The following SPATA19 variants were observed in gnomAD, a reference collection of about 807,000 sequenced individuals.
SPATA19 encodes spermatogenesis associated 19, also known as spermatogenesis-associated protein 19, mitochondrial.
In SPATA19, 19 loss-of-function variants were observed where a neutral mutation model predicts 25.0. The observed-to-expected ratio is 0.76, with a 90% CI of 0.53 to 1.11. SPATA19 has a LOEUF of 1.11. Among genes scored for constraint, SPATA19 ranks in the 50% most tolerant of loss-of-function variants. The pLI, the probability that SPATA19 is intolerant of heterozygous loss-of-function variation, is 0.00. For missense variants in SPATA19, 222 were observed against 211.4 expected (o/e 1.05, Z -0.31); for synonymous variants, 64 against 69.3 (o/e 0.92, Z 0.38).
Position 133,844,177 on chromosome 11 carries a change from T to A in SPATA19, c.359+69A>T. 10 of 1,290,652 alleles carry A rather than the reference T, an allele frequency of 7.7e-6. 1 individual carries two copies. The South Asian group carries it at 1.1e-4, about 14-fold the overall frequency. 79.9% of individuals were successfully genotyped at this position (1,290,652 alleles called of 1,614,324 possible). ...ATCTCTAGAGAAGAGCATCTGAGGG[T>A]TCGTGAAGAGAGGGGCTTGCGCATC... On this transcript the variant is annotated intron_variant, in intron 4 of 6. Coordinates refer to ENST00000299140, the MANE Select transcript of SPATA19 (RefSeq NM_174927.3).
At chr11:133,841,128 A>G (rs926833550) in intron 6 of SPATA19, among the ~76,000 whole-genome samples, 4 of 152,120 alleles carry the variant, frequency 2.6e-5, no homozygotes, top group Non-Finnish European at 4.4e-5. Context: ...CAACCCTCCA[A>G]AGTAGATACT....
chr11:133,842,120 G>C lies in SPATA19; in HGVS notation c.438-15C>G. On this transcript the variant is annotated splice_polypyrimidine_tract_variant and intron_variant, in intron 5 of 6. Coordinates refer to ENST00000299140, the MANE Select transcript of SPATA19 (RefSeq NM_174927.3). Reference sequence around the variant, plus strand: ...GACGGGATATGCTGCAGGGGACAGAGGAGAAGGGCCAGGTGGAGGGAGGCT... The same window carrying C: ...GACGGGATATGCTGCAGGGGACAGACGAGAAGGGCCAGGTGGAGGGAGGCT... 3 of 1,613,586 alleles carry C rather than the reference G, an allele frequency of 1.9e-6. No homozygotes were observed. The highest frequency in any genetic ancestry group is 1.7e-6 in the Non-Finnish European group (2 of 1,179,736).
chr11:133,841,474 C>T (rs1938307663), intron 6 of SPATA19, among the ~76,000 whole-genome samples: 1 of 152,196 alleles, frequency 6.6e-6, no homozygotes, highest in African/African-American at 2.4e-5. Flanking sequence ...GGGACTGCAT[C>T]CCGGATAGCT....
downstream of SPATA19, among the ~76,000 whole-genome samples, chr11:133,840,278 C>A (rs1252507617): frequency 6.6e-6 from 1 of 152,134 alleles, no homozygotes; most frequent in Non-Finnish European, 1.5e-5. Flanking sequence ...AGTACAGCTA[C>A]CTTGCAAGAA....
chr11:133,837,660 A>G (rs144951959), downstream of SPATA19, among the ~76,000 whole-genome samples: 32 of 152,262 alleles, frequency 2.1e-4, no homozygotes, highest in East Asian at 6.2e-3. Flanking sequence ...TGTCTTTCCT[A>G]AGGTCAATGA....
intron 5 of SPATA19, 47 bp from the exon 6 acceptor site, chr11:133,842,152 T>C (rs1458803524): frequency 2.5e-6 from 4 of 1,579,956 alleles, no homozygotes; most frequent in East Asian, 2.2e-5. Flanking sequence ...GGCTGCCTGA[T>C]AGCAGAGCCT....
At chr11:133,843,644 G>A (rs951929180) in intron 4 of SPATA19, among the ~76,000 whole-genome samples, 2 of 152,216 alleles carry the variant, frequency 1.3e-5, no homozygotes, top group Non-Finnish European at 2.9e-5. Context: ...CCTGGGAAGG[G>A]GTGGCTGATG....
At chr11:133,843,211 A>C (rs1249914611) in intron 4 of SPATA19, among the ~76,000 whole-genome samples, 1 of 152,160 alleles carries the variant, frequency 6.6e-6, no homozygotes, top group Admixed American at 6.5e-5. Flanking sequence ...TAGTTTTTTT[A>C]TACAGACGAG....
chr11:133,844,685 A>G (rs182456931), intron 2 of SPATA19, 45 bp from the exon 3 acceptor site: 3 of 1,546,926 alleles, frequency 1.9e-6, no homozygotes, highest in East Asian at 2.3e-5. Context: ...TCTGCATCCA[A>G]CCCTGGGTCT....
At chr11:133,837,667 A>T (rs1938236553), downstream of SPATA19, among the ~76,000 whole-genome samples, 1 of 152,138 alleles carries the variant, frequency 6.6e-6, no homozygotes, top group South Asian at 2.1e-4. Context: ...CCTAAGGTCA[A>T]TGAGGGGGGA....
downstream of SPATA19, among the ~76,000 whole-genome samples, chr11:133,838,117 A>G (rs1158307189): frequency 6.6e-6 from 1 of 152,192 alleles, no homozygotes; most frequent in African/African-American, 2.4e-5. Flanking sequence ...ATATATATAC[A>G]TAGCTTTATG....
In SPATA19 at chr11:133,844,480, C is replaced by G. The variant is rs555461058; in HGVS notation, c.267+29G>C. Reference sequence around the variant, plus strand: ...CTCTCCCCTCTCCCTCACCGCTACTCCCAGGCAAGGTCTCAAACTCTCATT... The same window carrying G: ...CTCTCCCCTCTCCCTCACCGCTACTGCCAGGCAAGGTCTCAAACTCTCATT... On this transcript the variant is annotated intron_variant, in intron 3 of 6. Transcript: ENST00000299140. 3.7e-6 allele frequency: 6 copies of G among 1,614,124 alleles called. No homozygotes were observed. In the African/African-American group the frequency reaches 8.0e-5, roughly 22 times the overall value.
At position 133,843,604 on chromosome 11, in the gene SPATA19, G is replaced by A. The variant is rs569825889; in HGVS notation, c.359+642C>T. Among the ~76,000 whole-genome samples the A allele has an allele frequency of 1.7e-4, 26 of 152,332 alleles. No homozygotes were observed. The East Asian group carries it at 3.7e-3, about 21-fold the overall frequency. Reference sequence around the variant, plus strand: ...GGGGAGAAGTCTCCTTCAGGTTCCCGTAGGACCAGTCTAAGCCCTCAGTCC... The same window carrying A: ...GGGGAGAAGTCTCCTTCAGGTTCCCATAGGACCAGTCTAAGCCCTCAGTCC... On this transcript the variant is annotated intron_variant, in intron 4 of 6. Transcript: ENST00000299140.
Position 133,842,566 on chromosome 11 carries a change from C to T in SPATA19, c.360-4G>A. 6.2e-7 allele frequency: 1 copy of T among 1,612,580 alleles called. No individual in the cohort carries two copies. Among genetic ancestry groups the T allele is most frequent in the Non-Finnish European group, 8.5e-7 (1 of 1,178,598 alleles). Reference sequence around the variant, plus strand: ...CACTTGGAAGATACGAGTGTGGCTGCAAAAGGCCATTCGTACATTGGCATA... The same window carrying T: ...CACTTGGAAGATACGAGTGTGGCTGTAAAAGGCCATTCGTACATTGGCATA... On this transcript the variant is annotated splice_polypyrimidine_tract_variant and splice_region_variant and intron_variant, in intron 4 of 6. Transcript: ENST00000299140.
downstream of SPATA19, among the ~76,000 whole-genome samples, chr11:133,835,934 C>T (rs1938204922): frequency 6.6e-6 from 1 of 152,206 alleles, no homozygotes; most frequent in Non-Finnish European, 1.5e-5. Flanking sequence ...ACGAACCTGC[C>T]ACTGCCCAGT....
chr11:133,839,957 G>C (rs2121174642), downstream of SPATA19, among the ~76,000 whole-genome samples: 1 of 151,960 alleles, frequency 6.6e-6, no homozygotes, highest in Non-Finnish European at 1.5e-5. Flanking sequence ...CACCAAGCAA[G>C]ATAAATGCAA....
rs760412277 is a variant in SPATA19, at chr11:133,844,490, G to A, written c.267+19C>T. On this transcript the variant is annotated intron_variant, in intron 3 of 6. Coordinates refer to ENST00000299140, the MANE Select transcript of SPATA19 (RefSeq NM_174927.3). ...TCCCTCACCGCTACTCCCAGGCAAG[G>A]TCTCAAACTCTCATTTACCACATCT... 1 of 1,614,120 alleles carries A rather than the reference G, an allele frequency of 6.2e-7. No individual in the cohort carries two copies. The highest frequency in any genetic ancestry group is 8.5e-7 in the Non-Finnish European group (1 of 1,180,030).
At chr11:133,844,115 C>A in intron 4 of SPATA19, 131 bp downstream of exon 4, 1 of 747,382 alleles carries the variant, frequency 1.3e-6, no homozygotes, top group East Asian at 2.5e-5. Context: ...CTTAAGACCC[C>A]AAAGCAAGGC....
Position 133,844,506 on chromosome 11 carries a change from TACC to T in SPATA19, c.267_267+2del. ...CCAGGCAAGGTCTCAAACTCTCATTTACCACATCTCTGGTCACGTGGATGTCCT... is the reference window on the plus strand; with the variant it reads ...CCAGGCAAGGTCTCAAACTCTCATTTACATCTCTGGTCACGTGGATGTCCT... On this transcript the variant is annotated splice_donor_variant and coding_sequence_variant, in exon 3 of 7. Transcript: ENST00000299140. LOFTEE classifies it high-confidence loss of function. The T allele has an allele frequency of 6.2e-7, 1 of 1,614,158 alleles. No individual in the cohort carries two copies. The highest frequency in any genetic ancestry group is 8.5e-7 in the Non-Finnish European group (1 of 1,180,020).
Sources: allele counts gnomAD v4.1 joint callset (sites outside exome capture counted in the v4.1 genomes callset), GRCh38; gene constraint gnomAD v4.1.1; transcripts MANE v1.5; gene names NCBI Gene and HGNC (gene_info 2026-07-23, HGNC 2026-07-21).